The following FGF14 variants were observed in gnomAD, a reference collection of about 807,000 sequenced individuals.
FGF14 encodes the protein fibroblast growth factor 14.
In FGF14, 5 loss-of-function variants were observed where a neutral mutation model predicts 25.5. The observed-to-expected ratio is 0.20, with a 90% CI of 0.10 to 0.41. The LOEUF (loss-of-function observed/expected upper bound fraction) is 0.41. Ranked by LOEUF, FGF14 falls within the 10% of genes least tolerant of loss-of-function variation. The probability of loss-of-function intolerance (pLI) is 1.00; values close to 1 mark genes in which losing one functional copy is unlikely to be tolerated. For synonymous variants in FGF14, 138 were observed against 118.3 expected (o/e 1.17, Z -1.08); for missense variants, 222 against 320.1 (o/e 0.69, Z 2.34).
chr13:101,949,911 T>C (rs1327043417), intron 1 of FGF14, among the ~76,000 whole-genome samples: 2 of 152,216 alleles, frequency 1.3e-5, no homozygotes, highest in Admixed American at 1.3e-4. Flanking sequence ...TGTGTAGCTA[T>C]TGGACCCAGT....
intron 1 of FGF14, among the ~76,000 whole-genome samples, chr13:102,064,933 A>C (rs959966920): frequency 1.3e-5 from 2 of 152,048 alleles, no homozygotes; most frequent in Admixed American, 6.5e-5. Flanking sequence ...TCCCCCACAG[A>C]TACTGAGAGA....
intron 1 of FGF14, among the ~76,000 whole-genome samples, chr13:102,230,506 C>T (rs1278954803): frequency 1.3e-5 from 2 of 152,152 alleles, no homozygotes; most frequent in African/African-American, 2.4e-5. Context: ...AAAAGTGGTT[C>T]ATTTATACCA....
chr13:101,757,320 G>C (rs2037730152), intron 3 of FGF14, among the ~76,000 whole-genome samples: 1 of 151,994 alleles, frequency 6.6e-6, no homozygotes, highest in Non-Finnish European at 1.5e-5. Flanking sequence ...CATATGTTTA[G>C]TTGTGTGTGT....
At chr13:102,302,799 AC>A (rs2055140995) in intron 1 of FGF14, among the ~76,000 whole-genome samples, 1 of 151,670 alleles carries the variant, frequency 6.6e-6, no homozygotes, top group African/African-American at 2.4e-5. Flanking sequence ...CACCAAAACC[AC>A]CCTTGTCCAC....
In FGF14 at chr13:101,969,215, T is replaced by C. The variant is rs554247157; in HGVS notation, c.209-93919A>G. On this transcript the variant is annotated intron_variant, in intron 1 of 4. Coordinates refer to the FGF14 transcript ENST00000376131. ...TTGTCACTTATCATGGGTGGGTAAG[T>C]TACCAAATAAACAACTTCATCTGGT... Among the ~76,000 whole-genome samples the C allele has an allele frequency of 3.3e-5, 5 of 152,300 alleles. No individual in the cohort carries two copies. The East Asian group carries it at 7.7e-4, about 24-fold the overall frequency.
At chr13:102,062,231 G>A (rs572365779) in intron 1 of FGF14, among the ~76,000 whole-genome samples, 7 of 151,944 alleles carry the variant, frequency 4.6e-5, no homozygotes, top group Non-Finnish European at 7.4e-5. Context: ...GCTACCAACC[G>A]GAAAAGATAC....
intron 1 of FGF14, among the ~76,000 whole-genome samples, chr13:102,041,596 A>AAAAAAC (rs60103880): frequency 7.8e-5 from 11 of 140,338 alleles, no homozygotes; most frequent in Non-Finnish European, 1.4e-4. Flanking sequence ...AAAAAAAAAA[A>AAAAAAC]GAGAGATTTT....
intron 1 of FGF14, among the ~76,000 whole-genome samples, chr13:102,252,913 A>C (rs4531597): frequency 0.82 from 124,176 of 152,116 alleles, 51,225 homozygotes; most frequent in African/African-American, 0.94. Flanking sequence ...AGTGAGAACA[A>C]GTGATGTTTG....
intron 1 of FGF14, among the ~76,000 whole-genome samples, chr13:101,974,532 A>G (rs2037807089): frequency 6.6e-6 from 1 of 152,200 alleles, no homozygotes. Context: ...AATATTTTAA[A>G]TATAATTACC....
intron 1 of FGF14, among the ~76,000 whole-genome samples, chr13:102,071,673 C>T (rs969719088): frequency 6.6e-6 from 1 of 152,084 alleles, no homozygotes; most frequent in Non-Finnish European, 1.5e-5. Context: ...ACTTCTTTTT[C>T]CATTGATGGT....
chr13:102,330,759 G>A (rs1183265242), intron 1 of FGF14, among the ~76,000 whole-genome samples: 1 of 152,016 alleles, frequency 6.6e-6, no homozygotes, highest in African/African-American at 2.4e-5. Flanking sequence ...CTCCCTTCAT[G>A]GCCTCATTGT....
At chr13:101,984,538 C>G (rs540329558) in intron 1 of FGF14, among the ~76,000 whole-genome samples, 1 of 152,250 alleles carries the variant, frequency 6.6e-6, no homozygotes, top group African/African-American at 2.4e-5. Flanking sequence ...TCATTTCCAA[C>G]TGTAATTTTT....
intron 1 of FGF14, among the ~76,000 whole-genome samples, chr13:102,222,318 T>C (rs1277859590): frequency 1.3e-5 from 2 of 152,210 alleles, no homozygotes; most frequent in African/African-American, 2.4e-5. Context: ...TCTGGCAGGG[T>C]TCATTTTATA....
chr13:101,945,140 G>C (rs2035720231), intron 1 of FGF14, among the ~76,000 whole-genome samples: 1 of 152,108 alleles, frequency 6.6e-6, no homozygotes, highest in Non-Finnish European at 1.5e-5. Flanking sequence ...CCAACATGGA[G>C]AAACCCCATC....
At chr13:101,907,458 A>C (rs1388715509) in intron 1 of FGF14, among the ~76,000 whole-genome samples, 1 of 152,192 alleles carries the variant, frequency 6.6e-6, no homozygotes, top group East Asian at 1.9e-4. Flanking sequence ...ATACAAATTT[A>C]TTATGAAAAT....
At chr13:101,818,428 G>C (rs931202349) in intron 3 of FGF14, among the ~76,000 whole-genome samples, 27 of 152,124 alleles carry the variant, frequency 1.8e-4, no homozygotes. Flanking sequence ...CTCCCTCCTA[G>C]CTTCTGCTAA....
chr13:102,027,154 C>A (rs1019980020), intron 1 of FGF14, among the ~76,000 whole-genome samples: 4 of 151,790 alleles, frequency 2.6e-5, no homozygotes, highest in African/African-American at 7.3e-5. Flanking sequence ...GAGTAATTGG[C>A]AAACCATCTC....
intron 1 of FGF14, among the ~76,000 whole-genome samples, chr13:102,311,712 T>C (rs772731270): frequency 6.6e-6 from 1 of 152,214 alleles, no homozygotes; most frequent in Non-Finnish European, 1.5e-5. Context: ...AGAACTGAGC[T>C]ATTTTAAAGC....
chr13:101,818,447 C>A (rs1050148089), intron 3 of FGF14, among the ~76,000 whole-genome samples: 4 of 152,184 alleles, frequency 2.6e-5, no homozygotes, highest in African/African-American at 9.7e-5. Flanking sequence ...AATTCTCCAG[C>A]TTTCTTATAA....
Sources: gnomAD v4.1 joint callset for allele counts (sites outside exome capture counted in the v4.1 genomes callset) on GRCh38, gnomAD v4.1.1 for gene constraint, MANE v1.5 for transcripts, NCBI Gene and HGNC (gene_info 2026-07-23, HGNC 2026-07-21) for gene names.